The following MTNR1B variants were observed in gnomAD, a reference collection of about 807,000 sequenced individuals.
MTNR1B encodes melatonin receptor type 1B.
MTNR1B carries 7 observed loss-of-function variants against 7.0 expected under a neutral mutation model. That is an observed-to-expected ratio of 1.00 (90% CI 0.57 to 1.88). MTNR1B has a LOEUF of 1.88. Ranked by LOEUF, MTNR1B falls within the 40% of genes most tolerant of loss-of-function variation. The pLI, the probability that MTNR1B is intolerant of heterozygous loss-of-function variation, is 0.00. For missense variants in MTNR1B, 478 were observed against 486.5 expected, an observed-to-expected ratio of 0.98 and a Z score of 0.16; for synonymous variants, 226 against 208.2, an observed-to-expected ratio of 1.09 and a Z score of -0.74.
chr11:92,982,410 G>T lies in MTNR1B; in HGVS notation c.*98G>T. On this transcript the variant is annotated 3_prime_UTR_variant, in exon 2 of 2. Transcript: ENST00000257068. Reference sequence around the variant, plus strand: ...ACCAGGCAGCCTGCTGGGCCACACTGTCCTGTTGGCATCACAGCCCCAAGG... The same window carrying T: ...ACCAGGCAGCCTGCTGGGCCACACTTTCCTGTTGGCATCACAGCCCCAAGG... The T allele has an allele frequency of 7.1e-7, 1 of 1,399,108 alleles. No individual in the cohort carries two copies. The highest frequency in any genetic ancestry group is 2.7e-5 in the Admixed American group (1 of 37,470). 86.7% of individuals were successfully genotyped at this position (1,399,108 alleles called of 1,614,324 possible).
At chr11:92,984,567 A>G (rs1167171216), downstream of MTNR1B, among the ~76,000 whole-genome samples, 1 of 152,158 alleles carries the variant, frequency 6.6e-6, no homozygotes. Context: ...GACACAAACT[A>G]CAGAGATTTG....
chr11:92,973,337 C>T (rs549809279), intron 1 of MTNR1B, among the ~76,000 whole-genome samples: 1 of 152,268 alleles, frequency 6.6e-6, no homozygotes, highest in African/African-American at 2.4e-5. Flanking sequence ...GAGAGCTTTT[C>T]CTGCTCCCTC....
At chr11:92,984,865 A>G (rs376325626), downstream of MTNR1B, 2 of 456,140 alleles carry the variant, frequency 4.4e-6, no homozygotes. Flanking sequence ...GCCCAGGCCC[A>G]GGACATCAAG....
downstream of MTNR1B, among the ~76,000 whole-genome samples, chr11:92,983,894 G>T (rs180757314): frequency 7.2e-5 from 11 of 152,222 alleles, no homozygotes; most frequent in East Asian, 2.1e-3. Flanking sequence ...CTTGGAAAAA[G>T]ATACTATGAT....
chr11:92,970,252 C>A (rs1027079221), intron 1 of MTNR1B, among the ~76,000 whole-genome samples: 1 of 152,196 alleles, frequency 6.6e-6, no homozygotes, highest in East Asian at 1.9e-4. Flanking sequence ...ATCGCTACCC[C>A]GTCGCGCTCC....
chr11:92,974,550 C>T (rs377089177), intron 1 of MTNR1B, among the ~76,000 whole-genome samples: 3 of 152,048 alleles, frequency 2.0e-5, no homozygotes, highest in East Asian at 3.9e-4. Flanking sequence ...TGCAACCTCT[C>T]CTGCCTCAGC....
In MTNR1B at chr11:92,969,952, A is replaced by T. The variant is rs1243551306; in HGVS notation, c.223+4A>T. 1 of 1,606,094 alleles carries T rather than the reference A, an allele frequency of 6.2e-7. No individual in the cohort carries two copies. Among genetic ancestry groups the T allele is most frequent in the South Asian group, 1.1e-5 (1 of 89,624 alleles). ...AACCGCAAGCTCCGGAACGCAGGTG[A>T]GCACCATTCCTGATGCTGGGTGCTG... is the stretch of plus-strand genomic sequence containing the variant. On this transcript the variant is annotated splice_donor_region_variant and intron_variant, in intron 1 of 1. Transcript: ENST00000257068.
chr11:92,977,300 G>A (rs1247879364), intron 1 of MTNR1B, among the ~76,000 whole-genome samples: 1 of 152,090 alleles, frequency 6.6e-6, no homozygotes, highest in Non-Finnish European at 1.5e-5. Flanking sequence ...AAAAATATCT[G>A]CTCTCAAGAG....
chr11:92,979,162 G>A (rs765660265), intron 1 of MTNR1B, among the ~76,000 whole-genome samples: 3 of 152,144 alleles, frequency 2.0e-5, no homozygotes, highest in Admixed American at 6.5e-5. Context: ...ACCATAAAGT[G>A]GCAGGACTCA....
At chr11:92,983,777 A>C (rs1031344724), downstream of MTNR1B, among the ~76,000 whole-genome samples, 1 of 152,186 alleles carries the variant, frequency 6.6e-6, no homozygotes, top group Non-Finnish European at 1.5e-5. Flanking sequence ...GCAAGGTCAC[A>C]GTCTGTTGAT....
chr11:92,983,658 G>A (rs11020132), downstream of MTNR1B, among the ~76,000 whole-genome samples: 2,276 of 152,206 alleles, frequency 0.015, 48 homozygotes, highest in Middle Eastern at 0.041. Flanking sequence ...CTTTATATTC[G>A]TAGAAATCTC....
chr11:92,984,024 TC>T (rs989061303), downstream of MTNR1B, among the ~76,000 whole-genome samples: 1 of 152,116 alleles, frequency 6.6e-6, no homozygotes, highest in Non-Finnish European at 1.5e-5. Context: ...CCTACTTCTA[TC>T]CCCCATCATC....
At chr11:92,971,563 G>T (rs1156820595) in intron 1 of MTNR1B, among the ~76,000 whole-genome samples, 1 of 152,152 alleles carries the variant, frequency 6.6e-6, no homozygotes, top group Non-Finnish European at 1.5e-5. Context: ...ACAACTCCTG[G>T]CTCTATGGGG....
intron 1 of MTNR1B, among the ~76,000 whole-genome samples, chr11:92,972,912 T>A (rs1179549198): frequency 1.3e-5 from 2 of 152,218 alleles, no homozygotes; most frequent in Admixed American, 6.5e-5. Flanking sequence ...CTTGACTTCA[T>A]GTCCTCCTAA....
At position 92,982,160 on chromosome 11, in the gene MTNR1B, C is replaced by A. The variant is rs373981936; in HGVS notation, c.937C>A (p.Gln313Lys). 7 of 1,614,192 alleles carry A rather than the reference C, an allele frequency of 4.3e-6. No individual in the cohort carries two copies. The highest frequency in any genetic ancestry group is 2.2e-5 in the South Asian group (2 of 91,076). Reference sequence around the variant, plus strand: ...TGCCATTGTCTATGGGCTCTTGAACCAAAACTTCCGCAGGGAATACAAGAG... The same window carrying A: ...TGCCATTGTCTATGGGCTCTTGAACAAAAACTTCCGCAGGGAATACAAGAG... ...LNAIVYGLLN[Q>K]NFRREYKRIL... The change falls in exon 2 of 2, where the codon CAA (glutamine) becomes AAA (lysine). Residue 313 changes from glutamine (Q) to lysine (K), a missense_variant. By Grantham distance (53) the Gln-to-Lys change is moderately conservative. Transcript: ENST00000257068.
chr11:92,979,608 G>A (rs953153154), intron 1 of MTNR1B, among the ~76,000 whole-genome samples: 2 of 152,184 alleles, frequency 1.3e-5, no homozygotes, highest in Admixed American at 6.5e-5. Context: ...TACCTCACAA[G>A]CGCTCTAATT....
At chr11:92,981,317 A>T in intron 1 of MTNR1B, 130 bp from the exon 2 acceptor site, 2 of 1,284,662 alleles carry the variant, frequency 1.6e-6, no homozygotes, top group Non-Finnish European at 2.1e-6. Flanking sequence ...CTGAGTCTTC[A>T]GTTCTGTGCC....
chr11:92,979,839 T>C (rs1858068293), intron 1 of MTNR1B, among the ~76,000 whole-genome samples: 1 of 152,160 alleles, frequency 6.6e-6, no homozygotes, highest in African/African-American at 2.4e-5. Context: ...ATTCGGACCA[T>C]GCTATGGGGA....
At chr11:92,983,522 A>C (rs1349318409), downstream of MTNR1B, among the ~76,000 whole-genome samples, 12 of 143,436 alleles carry the variant, frequency 8.4e-5, no homozygotes. Context: ...CTGTCTCAGA[A>C]AAAAAAAAAA....
Sources: allele counts gnomAD v4.1 joint callset (sites outside exome capture counted in the v4.1 genomes callset), GRCh38; gene constraint gnomAD v4.1.1; transcripts MANE v1.5; gene names NCBI Gene and HGNC (gene_info 2026-07-23, HGNC 2026-07-21).